DCC: variants seen among roughly 807,000 people sequenced by gnomAD.
DCC encodes the protein netrin receptor DCC.
Under a neutral mutation model 172.5 loss-of-function variants are expected in DCC, and 58 were observed. That is an observed-to-expected ratio of 0.34 (90% CI 0.27 to 0.42). DCC has a LOEUF of 0.42. Among genes scored for constraint, DCC ranks in the 10% least tolerant of loss-of-function variants. The probability of loss-of-function intolerance (pLI) is 1.00; values close to 1 mark genes in which losing one functional copy is unlikely to be tolerated. For missense variants in DCC, 1,740 were observed against 1,791.0 expected, an observed-to-expected ratio of 0.97 and a Z score of 0.51; for synonymous variants, 709 against 644.5, an observed-to-expected ratio of 1.10 and a Z score of -1.52.
At chr18:52,802,359 T>G (rs970903923) in intron 2 of DCC, among the ~76,000 whole-genome samples, 3 of 152,104 alleles carry the variant, frequency 2.0e-5, no homozygotes, top group Non-Finnish European at 4.4e-5. Flanking sequence ...TGTGTGTTTT[T>G]GTATATATAC....
chr18:53,063,642 T>C (rs2042527453), intron 6 of DCC, 183 bp downstream of exon 6: 2 of 570,552 alleles, frequency 3.5e-6, no homozygotes. Flanking sequence ...TGAGAAAGAG[T>C]GATCAAAGAA....
At chr18:52,816,897 T>C in intron 2 of DCC, 1 of 152,206 alleles carries the variant, frequency 6.6e-6, no homozygotes. Flanking sequence ...TTAGAACTTT[T>C]GCTTCTCAGT....
intron 1 of DCC, among the ~76,000 whole-genome samples, chr18:52,389,783 C>T (rs1193424623): frequency 6.6e-6 from 1 of 152,026 alleles, no homozygotes; most frequent in Non-Finnish European, 1.5e-5. Context: ...GGTCCTCCAT[C>T]ATTTGATTTA....
intron 1 of DCC, among the ~76,000 whole-genome samples, chr18:52,365,711 A>G (rs1984818337): frequency 1.3e-5 from 2 of 152,334 alleles, no homozygotes; most frequent in South Asian, 4.1e-4. Flanking sequence ...CAACACTTAC[A>G]GTATTGCTAC....
At position 52,340,701 on chromosome 18, in the gene DCC, TGTGCATGTGTGCATGCGTGTGTGA is replaced by T. The variant is rs1225704503; in HGVS notation, c.-75_-52del. The T allele has an allele frequency of 1.3e-5, 12 of 915,854 alleles. No individual in the cohort carries two copies. Among genetic ancestry groups the T allele is most frequent in the East Asian group, 2.4e-5 (1 of 41,740 alleles). The allele number at this position is 915,854 out of a possible 1,614,324, so 56.7% of individuals were successfully genotyped here. On this transcript the variant is annotated 5_prime_UTR_variant, in exon 1 of 29. The change abolishes an upstream ATG in the 5' untranslated region. Coordinates refer to ENST00000442544, the MANE Select transcript of DCC (RefSeq NM_005215.4). The stretch of plus-strand genomic sequence containing the variant: ...AAGCCGAAGGGGCTCGGCGCGTGTG[TGTGCATGTGTGCATGCGTGTGTGA>T]GTGCATGTGTGTGAGTGCTGCCGCT...
At chr18:52,944,517 G>C (rs891168259) in intron 5 of DCC, among the ~76,000 whole-genome samples, 2 of 152,168 alleles carry the variant, frequency 1.3e-5, no homozygotes, top group Non-Finnish European at 2.9e-5. Flanking sequence ...ACAAGCAAAA[G>C]CATATAGAAA....
chr18:53,029,139 T>C (rs1418978579), intron 5 of DCC, among the ~76,000 whole-genome samples: 1 of 151,908 alleles, frequency 6.6e-6, no homozygotes, highest in Non-Finnish European at 1.5e-5. Context: ...CCATATTTTG[T>C]CTTTACAATT....
chr18:53,124,969 CAA>C (rs34682402), intron 7 of DCC, among the ~76,000 whole-genome samples: 1 of 137,784 alleles, frequency 7.3e-6, no homozygotes, highest in South Asian at 2.3e-4. Context: ...GACTCCATCT[CAA>C]AAAAAAAAAA....
intron 1 of DCC, among the ~76,000 whole-genome samples, chr18:52,424,949 A>G (rs141473048): frequency 1.9e-4 from 28 of 150,428 alleles, no homozygotes; most frequent in African/African-American, 5.9e-4. Context: ...TATTTGTTTA[A>G]TTTCATGGGG....
At chr18:53,134,098 T>G (rs969523246) in intron 7 of DCC, among the ~76,000 whole-genome samples, 2 of 152,184 alleles carry the variant, frequency 1.3e-5, no homozygotes, top group African/African-American at 4.8e-5. Context: ...AAAGGACAAG[T>G]TGAGGCTGTG....
intron 7 of DCC, among the ~76,000 whole-genome samples, chr18:53,084,643 G>T (rs2042853725): frequency 6.6e-6 from 1 of 152,122 alleles, no homozygotes; most frequent in African/African-American, 2.4e-5. Context: ...AAGCACTGTG[G>T]GTGGACAGCC....
At chr18:53,410,099 T>C (rs940039043) in intron 19 of DCC, among the ~76,000 whole-genome samples, 1 of 152,244 alleles carries the variant, frequency 6.6e-6, no homozygotes, top group African/African-American at 2.4e-5. Flanking sequence ...ATCATTGGAC[T>C]ACAGGGAAAA....
Position 53,113,529 on chromosome 18 carries a change from G to T in DCC, c.1262-43827G>T, listed in dbSNP as rs147529698. Among the ~76,000 whole-genome samples the T allele has an allele frequency of 2.0e-3, 301 of 150,414 alleles. 5 individuals carry two copies. Among genetic ancestry groups the T allele is most frequent in the Admixed American group, 0.018 (274 of 15,032 alleles). On this transcript the variant is annotated intron_variant, in intron 7 of 28. Transcript: ENST00000442544. Reference sequence around the variant, plus strand: ...TATTTGCTTTTATTTGTTTACTTTGGCTTTTTTGGTAACAGCTTTATTAAG... The same window carrying T: ...TATTTGCTTTTATTTGTTTACTTTGTCTTTTTTGGTAACAGCTTTATTAAG...
At chr18:53,293,845 A>G (rs1248452329) in intron 12 of DCC, among the ~76,000 whole-genome samples, 1 of 152,154 alleles carries the variant, frequency 6.6e-6, no homozygotes, top group Admixed American at 6.5e-5. Flanking sequence ...AGTTTTTTAT[A>G]TATTACTTTG....
chr18:52,635,770 T>C (rs975293353), intron 1 of DCC, among the ~76,000 whole-genome samples: 1 of 152,130 alleles, frequency 6.6e-6, no homozygotes, highest in South Asian at 2.1e-4. Context: ...GACCTTGACC[T>C]TGTTGCTTTC....
chr18:53,014,700 A>C (rs2041783337), intron 5 of DCC, among the ~76,000 whole-genome samples: 1 of 152,014 alleles, frequency 6.6e-6, no homozygotes, highest in Admixed American at 6.6e-5. Context: ...CACCTATGAG[A>C]AGGCTCACGT....
intron 1 of DCC, among the ~76,000 whole-genome samples, chr18:52,447,311 G>A (rs1231192360): frequency 1.3e-5 from 2 of 152,230 alleles, no homozygotes; most frequent in African/African-American, 2.4e-5. Context: ...AGAGGTGTAA[G>A]ATAGCTTTTG....
intron 2 of DCC, among the ~76,000 whole-genome samples, chr18:52,787,323 G>C (rs1270919390): frequency 6.6e-6 from 1 of 151,976 alleles, no homozygotes; most frequent in Non-Finnish European, 1.5e-5. Context: ...ACCTGTTAAG[G>C]TCCTTAATAT....
intron 1 of DCC, among the ~76,000 whole-genome samples, chr18:52,546,840 G>A (rs1041381148): frequency 1.3e-5 from 2 of 152,014 alleles, no homozygotes; most frequent in African/African-American, 4.8e-5. Context: ...AAGCAGATGG[G>A]AACTGCATGT....
Sources: allele counts gnomAD v4.1 joint callset (sites outside exome capture counted in the v4.1 genomes callset), GRCh38; gene constraint gnomAD v4.1.1; transcripts MANE v1.5; gene names NCBI Gene and HGNC (gene_info 2026-07-23, HGNC 2026-07-21).